Variants in ADAMTS17 observed in about 807,000 individuals in gnomAD.
ADAMTS17 encodes the protein A disintegrin and metalloproteinase with thrombospondin motifs 17.
In ADAMTS17, 113 loss-of-function variants were observed where a neutral mutation model predicts 141.5. That is an observed-to-expected ratio of 0.80 (90% confidence interval 0.69 to 0.93). The LOEUF (loss-of-function observed/expected upper bound fraction) is 0.93. Ranked by LOEUF, ADAMTS17 falls within the 40% of genes least tolerant of loss-of-function variation. The probability of loss-of-function intolerance (pLI) is 0.00; values close to 1 mark genes in which losing one functional copy is unlikely to be tolerated. For synonymous variants in ADAMTS17, 768 were observed against 630.6 expected (o/e 1.22, Z -3.27); for missense variants, 1,659 against 1,517.9 (o/e 1.09, Z -1.54).
chr15:99,985,719 C>G (rs2060571902), intron 20 of ADAMTS17, among the ~76,000 whole-genome samples: 1 of 152,178 alleles, frequency 6.6e-6, no homozygotes, highest in Non-Finnish European at 1.5e-5. Flanking sequence ...GTGAAGAAAG[C>G]CATATCACCA....
intron 16 of ADAMTS17, among the ~76,000 whole-genome samples, chr15:100,052,734 G>C (rs2032244339): frequency 6.6e-6 from 1 of 152,216 alleles, no homozygotes; most frequent in African/African-American, 2.4e-5. Context: ...TCTTATCCCA[G>C]ATAAATGACT....
intron 3 of ADAMTS17, among the ~76,000 whole-genome samples, chr15:100,325,318 G>C (rs1457029676): frequency 6.6e-6 from 1 of 152,204 alleles, no homozygotes; most frequent in Non-Finnish European, 1.5e-5. Context: ...GAATGTGGTT[G>C]CATTTGCAGA....
rs200795550 is a variant in ADAMTS17 at position 100,162,099 on chromosome 15, T to G, written c.1182-6779A>C. Among the ~76,000 whole-genome samples the G allele has an allele frequency of 1.1e-4, 16 of 152,286 alleles. No individual in the cohort carries two copies. In the East Asian group the frequency reaches 2.9e-3, roughly 28 times the overall value. ...TGACCAATATAGTGTTGGTGTTCAG[T>G]GTATTTTTCTAGAATAGACAACATC... On this transcript the variant is annotated intron_variant, in intron 8 of 21. Transcript: ENST00000268070.
rs1304659097 is a variant in ADAMTS17, at chr15:99,974,109, CTT to C, written c.*291_*292del. The C allele has an allele frequency of 3.1e-5, 15 of 490,776 alleles. No individual in the cohort carries two copies. Among genetic ancestry groups the C allele is most frequent in the Admixed American group, 9.8e-5 (3 of 30,470 alleles). The allele number at this position is 490,776 out of a possible 1,614,324, so 30.4% of individuals were successfully genotyped here. A position where few individuals can be genotyped will look rare whatever the true frequency, so the allele number is the denominator to read the frequency against. ...CAAGAACACTAAATGATGTCTCTCT[CTT>C]GACGGTTGTCTGCCAGAGGTGCTTC... On this transcript the variant is annotated 3_prime_UTR_variant, in exon 22 of 22. Transcript: ENST00000268070.
intron 3 of ADAMTS17, among the ~76,000 whole-genome samples, chr15:100,319,157 T>C (rs965829439): frequency 6.6e-6 from 1 of 152,200 alleles, no homozygotes; most frequent in Non-Finnish European, 1.5e-5. Flanking sequence ...GAGGGTAGAA[T>C]AGCACTGGGG....
chr15:100,183,894 C>T (rs923405782), intron 8 of ADAMTS17, among the ~76,000 whole-genome samples: 1 of 152,188 alleles, frequency 6.6e-6, no homozygotes, highest in East Asian at 1.9e-4. Flanking sequence ...GTTGAGGCTC[C>T]TCTTCAGTCG....
rs561095391 is a variant in ADAMTS17 at position 100,322,195 on chromosome 15, G to A, written c.616+8694C>T. On this transcript the variant is annotated intron_variant, in intron 3 of 21. Coordinates refer to ENST00000268070, the MANE Select transcript of ADAMTS17 (RefSeq NM_139057.4). ...GTCAGTGCCATGCAGAAGGGGTAAC[G>A]CTCCAACAGAAAGCTTGCAGCCCCT... 2.8e-4 allele frequency among the ~76,000 whole-genome samples: 43 copies of A among 152,276 alleles called. No individual in the cohort carries two copies. In the South Asian group the frequency reaches 7.7e-3, roughly 27 times the overall value.
intron 12 of ADAMTS17, among the ~76,000 whole-genome samples, chr15:100,130,415 G>A (rs1012880463): frequency 3.3e-5 from 5 of 151,150 alleles, no homozygotes; most frequent in South Asian, 2.1e-4. Context: ...TATGTGCCCC[G>A]CACTCTGCTG....
intron 18 of ADAMTS17, among the ~76,000 whole-genome samples, chr15:100,028,871 C>A (rs1481903592): frequency 6.6e-6 from 1 of 152,270 alleles, no homozygotes; most frequent in Non-Finnish European, 1.5e-5. Flanking sequence ...TGAACCTGCA[C>A]TTTGCCTTTT....
At chr15:100,221,708 T>A (rs1031997777) in intron 7 of ADAMTS17, among the ~76,000 whole-genome samples, 1 of 152,214 alleles carries the variant, frequency 6.6e-6, no homozygotes, top group Non-Finnish European at 1.5e-5. Context: ...GAAGGCTGTT[T>A]CTGTAAATGG....
At chr15:100,328,138 A>G (rs780251905) in intron 3 of ADAMTS17, among the ~76,000 whole-genome samples, 13 of 152,228 alleles carry the variant, frequency 8.5e-5, no homozygotes, top group African/African-American at 2.9e-4. Flanking sequence ...CAGGAAGAGC[A>G]TGTTCCCATG....
intron 15 of ADAMTS17, among the ~76,000 whole-genome samples, chr15:100,062,110 C>T (rs188789959): frequency 0.012 from 1,840 of 150,848 alleles, 19 homozygotes; most frequent in Non-Finnish European, 0.021. Context: ...GTTCTATTTG[C>T]AGAGTGACAG....
chr15:100,155,486 AAT>A (rs2039391756), intron 8 of ADAMTS17, among the ~76,000 whole-genome samples, 166 bp from the exon 9 acceptor site: 1 of 152,238 alleles, frequency 6.6e-6, no homozygotes, highest in African/African-American at 2.4e-5. Context: ...TTTTCACAGA[AAT>A]AGAGGGTGAG....
At chr15:100,150,894 G>A (rs1160049339) in intron 10 of ADAMTS17, among the ~76,000 whole-genome samples, 1 of 152,074 alleles carries the variant, frequency 6.6e-6, no homozygotes, top group Non-Finnish European at 1.5e-5. Flanking sequence ...TCCACATCAA[G>A]GGACTCCCTG....
chr15:100,177,185 C>A (rs950406210), intron 8 of ADAMTS17, among the ~76,000 whole-genome samples: 1 of 152,214 alleles, frequency 6.6e-6, no homozygotes, highest in Non-Finnish European at 1.5e-5. Context: ...TTTTCCAGAG[C>A]GGCTGTACCA....
intron 10 of ADAMTS17, among the ~76,000 whole-genome samples, chr15:100,142,571 A>C (rs1448034735): frequency 2.0e-5 from 3 of 152,196 alleles, no homozygotes; most frequent in Non-Finnish European, 2.9e-5. Flanking sequence ...ACTAACTCTC[A>C]TGTCTTCACA....
At chr15:100,332,679 ACATACACACT>A (rs1340267530) in intron 2 of ADAMTS17, among the ~76,000 whole-genome samples, 4 of 152,270 alleles carry the variant, frequency 2.6e-5, no homozygotes, top group Admixed American at 2.6e-4. Context: ...GAAATCCTAC[ACATACACACT>A]CATATACACA....
chr15:100,195,203 A>G (rs2041065425), intron 8 of ADAMTS17, among the ~76,000 whole-genome samples: 1 of 152,214 alleles, frequency 6.6e-6, no homozygotes, highest in Non-Finnish European at 1.5e-5. Context: ...GCCTCCAGGC[A>G]GCAGCAAGGG....
At chr15:100,172,057 A>G (rs987923608) in intron 8 of ADAMTS17, among the ~76,000 whole-genome samples, 1 of 152,162 alleles carries the variant, frequency 6.6e-6, no homozygotes, top group African/African-American at 2.4e-5. Context: ...CAGACCATTC[A>G]TGTTCTGCCT....
Sources: allele counts gnomAD v4.1 joint callset (sites outside exome capture counted in the v4.1 genomes callset), GRCh38; gene constraint gnomAD v4.1.1; transcripts MANE v1.5; gene names NCBI Gene and HGNC (gene_info 2026-07-23, HGNC 2026-07-21).